HPSE2: variants seen among roughly 807,000 people sequenced by gnomAD.
HPSE2 encodes inactive heparanase-2.
HPSE2 carries 38 observed loss-of-function variants against 60.5 expected under a neutral mutation model. The observed-to-expected ratio is 0.63, with a 90% CI of 0.48 to 0.82. HPSE2 has a LOEUF of 0.82. Ranked by LOEUF, HPSE2 falls within the 40% of genes least tolerant of loss-of-function variation. The probability of loss-of-function intolerance (pLI) is 0.00; values close to 1 mark genes in which losing one functional copy is unlikely to be tolerated. For missense variants in HPSE2, 713 were observed against 740.4 expected, an observed-to-expected ratio of 0.96 and a Z score of 0.43; for synonymous variants, 295 against 293.2, an observed-to-expected ratio of 1.01 and a Z score of -0.06.
chr10:99,230,389 A>G (rs191916714), intron 2 of HPSE2, among the ~76,000 whole-genome samples: 1 of 152,320 alleles, frequency 6.6e-6, no homozygotes, highest in African/African-American at 2.4e-5. Context: ...TCTCTCCCCT[A>G]TGAGTGGTGA....
chr10:98,698,526 C>CA (rs2134184246), intron 5 of HPSE2, among the ~76,000 whole-genome samples: 1 of 152,158 alleles, frequency 6.6e-6, no homozygotes, highest in East Asian at 1.9e-4. Flanking sequence ...TAAATGCCCA[C>CA]AAGAGAAAGC....
At chr10:98,676,756 G>C (rs1216832894) in intron 6 of HPSE2, among the ~76,000 whole-genome samples, 1 of 152,114 alleles carries the variant, frequency 6.6e-6, no homozygotes, top group Admixed American at 6.5e-5. Context: ...TTAGGTCCAA[G>C]GGAGTTAGAC....
chr10:98,641,601 TA>T (rs149789116), intron 7 of HPSE2, among the ~76,000 whole-genome samples: 6,127 of 148,630 alleles, frequency 0.041, 275 homozygotes, highest in East Asian at 0.18. Context: ...AAAAATTAAT[TA>T]AAAAAAAAAT....
chr10:99,232,535 G>T (rs547966918), intron 1 of HPSE2, 30 bp from the exon 2 acceptor site: 142 of 1,549,646 alleles, frequency 9.2e-5, no homozygotes, highest in South Asian at 5.7e-4. Context: ...GAGAGGAAAG[G>T]TTCCCAGGAC....
At chr10:99,216,262 T>G (rs893497739) in intron 2 of HPSE2, among the ~76,000 whole-genome samples, 1 of 148,126 alleles carries the variant, frequency 6.8e-6, no homozygotes, top group African/African-American at 2.5e-5. Flanking sequence ...TGGCACGATC[T>G]TGGCTCACTG....
the HPSE2 span, among the ~76,000 whole-genome samples, chr10:99,250,680 T>C: frequency 6.6e-6 from 1 of 152,122 alleles, no homozygotes; most frequent in Non-Finnish European, 1.5e-5. Flanking sequence ...GGAATAAAAA[T>C]AGAAATCAAT....
chr10:99,126,630 C>T lies in HPSE2; in HGVS notation c.610+17608G>A, dbSNP rs1845174266. Among the ~76,000 whole-genome samples, 1 of 152,120 alleles carries T rather than the reference C, an allele frequency of 6.6e-6. No individual in the cohort carries two copies. Among genetic ancestry groups the T allele is most frequent in the African/African-American group, 2.4e-5 (1 of 41,416 alleles). ...AATTCTACTGCCTGCAACATCCTGG[C>T]TAACCAGAGGTTCTGAGTCTCTACA... is the stretch of plus-strand genomic sequence containing the variant. On this transcript the variant is annotated intron_variant, in intron 3 of 11. Coordinates refer to ENST00000370552, the MANE Select transcript of HPSE2 (RefSeq NM_021828.5). This position sits in a 1 kb window ranked among gnomAD's most constrained non-coding sequence, Gnocchi z 4.0.
intron 3 of HPSE2, among the ~76,000 whole-genome samples, chr10:98,850,078 A>G (rs1952132760): frequency 1.3e-5 from 2 of 152,156 alleles, no homozygotes; most frequent in South Asian, 4.1e-4. Flanking sequence ...AAGAAAATCA[A>G]ATTCAAAAAT....
At chr10:99,280,553 C>T in the HPSE2 span, among the ~76,000 whole-genome samples, 130,279 of 152,218 alleles carry the variant, frequency 0.86, 56,113 homozygotes, top group African/African-American at 0.92. Context: ...CAGAATTTCC[C>T]CTTCCCTTTC....
chr10:98,624,115 C>A (rs1398853269), intron 7 of HPSE2, among the ~76,000 whole-genome samples: 3 of 152,236 alleles, frequency 2.0e-5, no homozygotes, highest in Non-Finnish European at 4.4e-5. Flanking sequence ...AGCAATGAAG[C>A]ATAACAAGTT....
chr10:98,499,035 T>C (rs951463046), intron 9 of HPSE2, among the ~76,000 whole-genome samples: 1 of 152,204 alleles, frequency 6.6e-6, no homozygotes, highest in African/African-American at 2.4e-5. Context: ...ATAATTGGTG[T>C]TCCTGAGGAA....
chr10:98,988,733 T>C (rs373412822), intron 3 of HPSE2, among the ~76,000 whole-genome samples: 7,104 of 54,638 alleles, frequency 0.13, 88 homozygotes, highest in East Asian at 0.29. Flanking sequence ...AGAAAATTTT[T>C]GCAACCTACT....
At chr10:98,564,808 T>C (rs1462765245) in intron 9 of HPSE2, among the ~76,000 whole-genome samples, 2 of 152,168 alleles carry the variant, frequency 1.3e-5, no homozygotes, top group Non-Finnish European at 2.9e-5. Flanking sequence ...GAAGAAGATT[T>C]TGCAAGCTTT....
chr10:98,808,255 CCT>C (rs1317981141), intron 3 of HPSE2, among the ~76,000 whole-genome samples: 1 of 152,118 alleles, frequency 6.6e-6, no homozygotes, highest in East Asian at 1.9e-4. Flanking sequence ...TCTCAGAAAC[CCT>C]CTGTTTCTGT....
At chr10:98,558,488 T>C (rs1477780403) in intron 9 of HPSE2, among the ~76,000 whole-genome samples, 1 of 152,196 alleles carries the variant, frequency 6.6e-6, no homozygotes, top group Admixed American at 6.5e-5. Flanking sequence ...AAATATAATG[T>C]TGAGCGAAAA....
At chr10:98,587,014 G>C (rs1240168615) in intron 9 of HPSE2, among the ~76,000 whole-genome samples, 2 of 152,188 alleles carry the variant, frequency 1.3e-5, no homozygotes, top group Non-Finnish European at 2.9e-5. Context: ...CAGGAGATTT[G>C]AAGGATTTGA....
chr10:98,911,034 CAAG>C (rs976430195), intron 3 of HPSE2, among the ~76,000 whole-genome samples: 12 of 151,902 alleles, frequency 7.9e-5, no homozygotes, highest in African/African-American at 2.9e-4. Flanking sequence ...AGAAGAAAAG[CAAG>C]AAGAGAGGTT....
chr10:99,238,016 G>C (rs1164744975), upstream of HPSE2, among the ~76,000 whole-genome samples: 1 of 152,068 alleles, frequency 6.6e-6, no homozygotes, highest in Non-Finnish European at 1.5e-5. Context: ...ATTATGTTTT[G>C]GGTCTCTGTT....
At chr10:98,712,840 C>A (rs959256823) in intron 5 of HPSE2, among the ~76,000 whole-genome samples, 1 of 152,114 alleles carries the variant, frequency 6.6e-6, no homozygotes, top group African/African-American at 2.4e-5. Context: ...ATTCTTCATT[C>A]TTCACTCATT....
Sources: allele counts gnomAD v4.1 joint callset (sites outside exome capture counted in the v4.1 genomes callset), GRCh38; gene constraint gnomAD v4.1.1; non-coding constraint Gnocchi (gnomAD v3.1); transcripts MANE v1.5; gene names NCBI Gene and HGNC (gene_info 2026-07-23, HGNC 2026-07-21).